SLC12A1: variants seen among roughly 807,000 people sequenced by gnomAD.
The protein encoded by SLC12A1 is solute carrier family 12 member 1.
SLC12A1 carries 89 observed loss-of-function variants against 130.4 expected under a neutral mutation model. That is an observed-to-expected ratio of 0.68 (90% CI 0.58 to 0.81). The LOEUF (loss-of-function observed/expected upper bound fraction) is 0.81, where lower values mean the gene tolerates loss of function less well. Among genes scored for constraint, SLC12A1 ranks in the 40% least tolerant of loss-of-function variants. The pLI, the probability that SLC12A1 is intolerant of heterozygous loss-of-function variation, is 0.00. For synonymous variants in SLC12A1, 499 were observed against 460.0 expected (o/e 1.08, Z -1.09); for missense variants, 1,310 against 1,336.4 (o/e 0.98, Z 0.31).
intron 4 of SLC12A1, among the ~76,000 whole-genome samples, 191 bp downstream of exon 4, chr15:48,221,187 G>C (rs1215449854): frequency 3.3e-5 from 5 of 152,206 alleles, no homozygotes; most frequent in Non-Finnish European, 5.9e-5. Flanking sequence ...TATGAAACTG[G>C]AATTTTCCAG....
chr15:48,249,685 A>T lies in SLC12A1; in HGVS notation c.1786+9A>T. On this transcript the variant is annotated intron_variant, in intron 14 of 26. Coordinates refer to ENST00000380993, the MANE Select transcript of SLC12A1 (RefSeq NM_000338.3). Reference sequence around the variant, plus strand: ...TTATGCCAAATCTCCAGGTAAGCTGACTTCCAAACTAAAATATGCCTAAGC... The same window carrying T: ...TTATGCCAAATCTCCAGGTAAGCTGTCTTCCAAACTAAAATATGCCTAAGC... 6.3e-7 allele frequency: 1 copy of T among 1,578,816 alleles called. No individual in the cohort carries two copies. Among genetic ancestry groups the T allele is most frequent in the South Asian group, 1.1e-5 (1 of 90,372 alleles).
At chr15:48,230,273 C>T in intron 6 of SLC12A1, 120 bp from the exon 7 acceptor site, 2 of 616,814 alleles carry the variant, frequency 3.2e-6, no homozygotes, top group Non-Finnish European at 5.8e-6. Flanking sequence ...CTCCATTTTT[C>T]TATTATCCTA....
At chr15:48,251,533 G>A in intron 14 of SLC12A1, 82 bp from the exon 15 acceptor site, 1 of 1,082,134 alleles carries the variant, frequency 9.2e-7, no homozygotes, top group East Asian at 2.4e-5. Flanking sequence ...CAGGAAAAAG[G>A]CATGTTACCT....
At chr15:48,291,654 T>C (rs2042122579) in intron 23 of SLC12A1, 124 bp from the exon 24 acceptor site, 2 of 672,804 alleles carry the variant, frequency 3.0e-6, no homozygotes, top group East Asian at 5.6e-5. Flanking sequence ...CCAAAAAGCC[T>C]CTGTCTGAAA....
intron 17 of SLC12A1, among the ~76,000 whole-genome samples, chr15:48,263,145 A>G (rs774586331): frequency 6.6e-6 from 1 of 152,202 alleles, no homozygotes; most frequent in African/African-American, 2.4e-5. Flanking sequence ...CCTTATTCAT[A>G]TACTTCTCAA....
At chr15:48,229,027 C>T in intron 5 of SLC12A1, 162 bp from the exon 6 acceptor site, 1 of 682,006 alleles carries the variant, frequency 1.5e-6, no homozygotes, top group Admixed American at 3.1e-5. Context: ...CCAAGAAGGG[C>T]TAAGTTATTC....
At chr15:48,291,974 G>A (rs1251132549) in intron 24 of SLC12A1, 110 bp downstream of exon 24, 3 of 700,378 alleles carry the variant, frequency 4.3e-6, no homozygotes, top group Admixed American at 2.6e-5. Context: ...GCGACTTCTT[G>A]ATAGGATCTA....
At chr15:48,217,602 T>G (rs147880196) in intron 2 of SLC12A1, among the ~76,000 whole-genome samples, 2 of 152,326 alleles carry the variant, frequency 1.3e-5, no homozygotes, top group African/African-American at 4.8e-5. Flanking sequence ...TAAAATAATC[T>G]GTCTTAGGAT....
At chr15:48,267,203 T>C (rs1046735889) in intron 17 of SLC12A1, among the ~76,000 whole-genome samples, 1 of 152,194 alleles carries the variant, frequency 6.6e-6, no homozygotes, top group Non-Finnish European at 1.5e-5. Flanking sequence ...TTCCTGAAAG[T>C]GGCTCTCGCT....
rs890844820 is a variant in SLC12A1 at position 48,247,610 on chromosome 15, T to A, written c.1684+150T>A. 7 of 637,958 alleles carry A rather than the reference T, an allele frequency of 1.1e-5. No individual in the cohort carries two copies. The African/African-American group carries it at 1.3e-4, about 12-fold the overall frequency. 39.5% of individuals were successfully genotyped at this position (637,958 alleles called of 1,614,324 possible). On this transcript the variant is annotated intron_variant, in intron 13 of 26. Transcript: ENST00000380993. ...CTAAGAAGGAAATGAGAAATCCTTG[T>A]GTGTAGAGGGCCTTTGAGGAACTCG...
intron 20 of SLC12A1, among the ~76,000 whole-genome samples, chr15:48,276,658 A>T (rs2041957164): frequency 6.6e-6 from 1 of 152,138 alleles, no homozygotes; most frequent in African/African-American, 2.4e-5. Flanking sequence ...ATTGCTTATG[A>T]CACCCTGTCT....
chr15:48,299,553 G>C (rs922453539), intron 25 of SLC12A1, among the ~76,000 whole-genome samples: 10 of 152,186 alleles, frequency 6.6e-5, no homozygotes, highest in African/African-American at 2.4e-4. Context: ...ATTTTAAAGA[G>C]CAGGAGACAG....
intron 13 of SLC12A1, among the ~76,000 whole-genome samples, 151 bp downstream of exon 13, chr15:48,247,611 G>A (rs2041597841): frequency 6.6e-6 from 1 of 152,226 alleles, no homozygotes; most frequent in Non-Finnish European, 1.5e-5. Flanking sequence ...AAATCCTTGT[G>A]TGTAGAGGGC....
intron 16 of SLC12A1, 69 bp from the exon 17 acceptor site, chr15:48,259,131 C>T (rs1597435410): frequency 1.0e-6 from 1 of 1,001,170 alleles, no homozygotes; most frequent in East Asian, 2.4e-5. Context: ...CCTGTCATCC[C>T]ACTGGAATGG....
intron 24 of SLC12A1, among the ~76,000 whole-genome samples, chr15:48,295,077 T>A (rs1207759596): frequency 1.4e-5 from 2 of 144,974 alleles, no homozygotes; most frequent in African/African-American, 5.0e-5. Flanking sequence ...ATACCCAGCT[T>A]TTTTTTTTTT....
rs114472445 is a variant in SLC12A1, at chr15:48,253,338, A to T, written c.1942+1568A>T. ...CACAAGTTCCATTATACCCCTGTGT[A>T]GTCAATCTCCACCCTCCAACTTAGC... On this transcript the variant is annotated intron_variant, in intron 15 of 26. Coordinates refer to ENST00000380993, the MANE Select transcript of SLC12A1 (RefSeq NM_000338.3). Among the ~76,000 whole-genome samples the T allele has an allele frequency of 4.8e-3, 735 of 152,342 alleles. 8 individuals carry two copies. Among genetic ancestry groups the T allele is most frequent in the Middle Eastern group, 0.044 (13 of 294 alleles).
rs2041338941 is a variant in SLC12A1, at chr15:48,229,339, G to A, written c.864+11G>A. 6.3e-7 allele frequency: 1 copy of A among 1,582,024 alleles called. No individual in the cohort carries two copies. Among genetic ancestry groups the A allele is most frequent in the Non-Finnish European group, 8.6e-7 (1 of 1,162,918 alleles). On this transcript the variant is annotated intron_variant, in intron 6 of 26. Transcript: ENST00000380993. Reference sequence around the variant, plus strand: ...GTAGATCTTCTTAAGGTAATTAAAAGCTTTTCTTTTTTTCTGCCAAGCAGC... The same window carrying A: ...GTAGATCTTCTTAAGGTAATTAAAAACTTTTCTTTTTTTCTGCCAAGCAGC...
rs923712923 is a variant in SLC12A1, at chr15:48,302,783, G to A, written c.3198G>A (p.Ser1066=). 3.7e-6 allele frequency: 6 copies of A among 1,612,096 alleles called. No individual in the cohort carries two copies. Among genetic ancestry groups the A allele is most frequent in the East Asian group, 2.2e-5 (1 of 44,804 alleles). ...CCGTGGCAAGAAAGGGATCCATATC[G>A]GATTTGTTGTATATGGCTTGGTTGG... ...SLPVARKGSI[S]DLLYMAWLEI... The change falls in exon 27 of 27, where the codon TCG becomes TCA. Residue 1066 remains serine, a synonymous_variant. Transcript: ENST00000380993.
At chr15:48,254,911 C>G (rs981653292) in intron 15 of SLC12A1, among the ~76,000 whole-genome samples, 6 of 151,192 alleles carry the variant, frequency 4.0e-5, no homozygotes, top group South Asian at 2.1e-4. Context: ...GCGACAGAGC[C>G]AGACTCCGTC....
Sources: gnomAD v4.1 joint callset for allele counts (sites outside exome capture counted in the v4.1 genomes callset) on GRCh38, gnomAD v4.1.1 for gene constraint, MANE v1.5 for transcripts, NCBI Gene and HGNC (gene_info 2026-07-23, HGNC 2026-07-21) for gene names.